The following OSBPL9 variants were observed in gnomAD, a reference collection of about 807,000 sequenced individuals.
The protein encoded by OSBPL9 is oxysterol-binding protein-related protein 9.
Under a neutral mutation model 106.6 loss-of-function variants are expected in OSBPL9, and 40 were observed. That is an observed-to-expected ratio of 0.38 (90% CI 0.29 to 0.49). The LOEUF is 0.49. Ranked by LOEUF, OSBPL9 falls within the 20% of genes least tolerant of loss-of-function variation. The pLI is 0.97. For synonymous variants in OSBPL9, 269 were observed against 295.4 expected (o/e 0.91, Z 0.92); for missense variants, 609 against 887.2 (o/e 0.69, Z 3.98).
chr1:51,703,830 G>T (rs1053025326), intron 3 of OSBPL9, among the ~76,000 whole-genome samples: 2 of 152,304 alleles, frequency 1.3e-5, no homozygotes, highest in South Asian at 4.2e-4. Flanking sequence ...AATTTATTGA[G>T]AGTTTTTAGC....
At chr1:51,648,365 T>G (rs1464183743) in intron 1 of OSBPL9, among the ~76,000 whole-genome samples, 1 of 152,244 alleles carries the variant, frequency 6.6e-6, no homozygotes, top group African/African-American at 2.4e-5. Flanking sequence ...AGGCTTGCTT[T>G]CTTCGCATAG....
intron 1 of OSBPL9, among the ~76,000 whole-genome samples, chr1:51,587,060 T>G (rs902013656): frequency 1.3e-5 from 2 of 152,152 alleles, no homozygotes; most frequent in Admixed American, 6.6e-5. Flanking sequence ...GGCCTTGTCA[T>G]CAGCAGAAAC....
chr1:51,696,958 C>G (rs942775590), intron 3 of OSBPL9, among the ~76,000 whole-genome samples: 2 of 151,954 alleles, frequency 1.3e-5, no homozygotes, highest in African/African-American at 4.8e-5. Flanking sequence ...TCAAGACCAG[C>G]TGAGCAACAT....
chr1:51,776,760 C>G (rs905626737), intron 14 of OSBPL9, 73 bp from the exon 15 acceptor site: 16 of 803,434 alleles, frequency 2.0e-5, no homozygotes, highest in East Asian at 2.0e-4. Context: ...GTTTTGTTTT[C>G]TTTTTTTTTT....
intron 1 of OSBPL9, 137 bp from the exon 2 acceptor site, chr1:51,651,854 A>C (rs1274586581): frequency 1.5e-6 from 1 of 645,342 alleles, no homozygotes; most frequent in Non-Finnish European, 2.7e-6. Flanking sequence ...ATCCATAAGT[A>C]ATTTCTTTTT....
intron 2 of OSBPL9, among the ~76,000 whole-genome samples, chr1:51,611,019 T>C (rs2148606140): frequency 6.6e-6 from 1 of 152,328 alleles, no homozygotes; most frequent in South Asian, 2.1e-4. Flanking sequence ...AGGGTGTTTG[T>C]AAAATGTTTA....
the OSBPL9 span, among the ~76,000 whole-genome samples, chr1:51,535,530 TCTATG>T: frequency 1.3e-5 from 2 of 152,202 alleles, no homozygotes; most frequent in Non-Finnish European, 2.9e-5. Context: ...TATTTCTTCA[TCTATG>T]CTTTATTATT....
chr1:51,533,827 G>GT, the OSBPL9 span, among the ~76,000 whole-genome samples: 8 of 139,838 alleles, frequency 5.7e-5, no homozygotes, highest in Non-Finnish European at 1.6e-5. Context: ...TTTTTCTTTT[G>GT]TTTTTTCTTT....
At chr1:51,667,541 C>T (rs1052325842) in intron 2 of OSBPL9, among the ~76,000 whole-genome samples, 8 of 152,170 alleles carry the variant, frequency 5.3e-5, no homozygotes, top group African/African-American at 9.7e-5. Context: ...GATAACTTTT[C>T]GCCCTGTATT....
rs182006458 is a variant in OSBPL9, at chr1:51,732,583, A to T, written c.319-12953A>T. Among the ~76,000 whole-genome samples the T allele has an allele frequency of 2.0e-5, 3 of 152,280 alleles. No individual in the cohort carries two copies. In the East Asian group the frequency reaches 5.8e-4, roughly 29 times the overall value. On this transcript the variant is annotated intron_variant, in intron 4 of 23. Transcript: ENST00000428468. ...TCCATCTTCCTTATTTTCCATCTCC[A>T]GTCACCAGGTCCTGTTATGTTTGCC...
chr1:51,709,181 A>G (rs1013519524), intron 3 of OSBPL9: 1 of 171,340 alleles, frequency 5.8e-6, no homozygotes, highest in Non-Finnish European at 1.3e-5. Flanking sequence ...TGCAGGTGCA[A>G]CATGCCAGTA....
chr1:51,628,684 C>CTTT (rs909175159), intron 1 of OSBPL9, among the ~76,000 whole-genome samples: 8 of 134,456 alleles, frequency 5.9e-5, no homozygotes, highest in South Asian at 2.4e-4. Flanking sequence ...TTCTTTTTTT[C>CTTT]TTTTTTTTTT....
chr1:51,745,498 G>A, intron 4 of OSBPL9, 38 bp from the exon 5 acceptor site: 1 of 1,600,228 alleles, frequency 6.2e-7, no homozygotes, highest in Non-Finnish European at 8.5e-7. Flanking sequence ...AACTTTGCTT[G>A]GGTTCTGGTA....
intron 11 of OSBPL9, among the ~76,000 whole-genome samples, chr1:51,762,364 T>TG (rs1199682676): frequency 1.2e-4 from 19 of 152,118 alleles, no homozygotes; most frequent in Non-Finnish European, 1.3e-4. Context: ...AGTCTCCCTA[T>TG]GTTGCTCAGG....
chr1:51,648,150 G>A (rs893998739), intron 1 of OSBPL9, among the ~76,000 whole-genome samples: 1 of 152,108 alleles, frequency 6.6e-6, no homozygotes, highest in African/African-American at 2.4e-5. Context: ...TCAGAACATT[G>A]GTAAGATAAC....
At chr1:51,526,980 G>A in the OSBPL9 span, among the ~76,000 whole-genome samples, 1 of 152,154 alleles carries the variant, frequency 6.6e-6, no homozygotes, top group South Asian at 2.1e-4. Flanking sequence ...TCCTGACCTC[G>A]TGATCTGCCC....
chr1:51,771,209 C>T (rs1243054945), intron 12 of OSBPL9, among the ~76,000 whole-genome samples: 3 of 152,174 alleles, frequency 2.0e-5, no homozygotes, highest in Non-Finnish European at 4.4e-5. Flanking sequence ...TACATGTTTT[C>T]GCACGTGTAG....
the OSBPL9 span, chr1:51,538,548 C>T: frequency 1.3e-5 from 2 of 152,104 alleles, no homozygotes; most frequent in South Asian, 2.1e-4. Flanking sequence ...TTTAGGATCC[C>T]TTCCATTCTT....
the OSBPL9 span, among the ~76,000 whole-genome samples, chr1:51,526,676 A>C: frequency 6.6e-6 from 1 of 152,026 alleles, no homozygotes; most frequent in African/African-American, 2.4e-5. Context: ...CATTGATGGC[A>C]TTTTTAAATC....
Sources: gnomAD v4.1 joint callset for allele counts (sites outside exome capture counted in the v4.1 genomes callset) on GRCh38, gnomAD v4.1.1 for gene constraint, MANE v1.5 for transcripts, NCBI Gene and HGNC (gene_info 2026-07-23, HGNC 2026-07-21) for gene names.